Variants in IQCM observed in about 807,000 individuals in gnomAD.
The protein encoded by IQCM is IQ motif containing M, also known as IQ domain-containing protein M.
In IQCM, 45 loss-of-function variants were observed where a neutral mutation model predicts 57.6. That is an observed-to-expected ratio of 0.78 (90% CI 0.62 to 1.00). The LOEUF (loss-of-function observed/expected upper bound fraction) is 1.00. Among genes scored for constraint, IQCM ranks in the 50% least tolerant of loss-of-function variants. The pLI, the probability that IQCM is intolerant of heterozygous loss-of-function variation, is 0.00. For synonymous variants in IQCM, 148 were observed against 158.9 expected (o/e 0.93, Z 0.51); for missense variants, 468 against 511.6 (o/e 0.91, Z 0.82).
At chr4:149,776,677 T>C (rs1409288512) in intron 2 of IQCM, among the ~76,000 whole-genome samples, 1 of 152,122 alleles carries the variant, frequency 6.6e-6, no homozygotes, top group Non-Finnish European at 1.5e-5. Context: ...GATGTAAAGA[T>C]TACTTACAAA....
intron 7 of IQCM, among the ~76,000 whole-genome samples, chr4:149,623,414 T>C (rs950726176): frequency 1.4e-4 from 21 of 152,314 alleles, no homozygotes; most frequent in African/African-American, 4.8e-4. Context: ...TCTCCCAGTA[T>C]ATAGGTATCA....
At chr4:149,511,453 G>A (rs907595454) in intron 12 of IQCM, among the ~76,000 whole-genome samples, 10 of 151,730 alleles carry the variant, frequency 6.6e-5, no homozygotes, top group Non-Finnish European at 1.2e-4. Context: ...ACTTGAACCC[G>A]GGAGGCAGAG....
chr4:149,778,342 C>T (rs1214476623), intron 2 of IQCM, among the ~76,000 whole-genome samples: 1 of 151,824 alleles, frequency 6.6e-6, no homozygotes, highest in Non-Finnish European at 1.5e-5. Context: ...CGCCACTGCA[C>T]TCCAGCCTGG....
chr4:149,593,813 G>T (rs183587851), intron 8 of IQCM, among the ~76,000 whole-genome samples: 2 of 152,222 alleles, frequency 1.3e-5, no homozygotes, highest in Non-Finnish European at 2.9e-5. Context: ...AAGCCCAGTT[G>T]ATCATGGTGG....
At chr4:149,481,713 T>TTTTTTTTG (rs1740891889) in intron 12 of IQCM, among the ~76,000 whole-genome samples, 1 of 138,104 alleles carries the variant, frequency 7.2e-6, no homozygotes, top group African/African-American at 2.7e-5. Flanking sequence ...TTTTTTTTTT[T>TTTTTTTTG]TTTTTTTTTG....
At chr4:149,603,714 A>T (rs914485109) in intron 8 of IQCM, among the ~76,000 whole-genome samples, 2 of 152,056 alleles carry the variant, frequency 1.3e-5, no homozygotes, top group African/African-American at 2.4e-5. Context: ...AGAGAAGAGG[A>T]ATAGTTAAAA....
intron 2 of IQCM, among the ~76,000 whole-genome samples, chr4:149,814,967 C>T (rs1224583282): frequency 1.3e-5 from 2 of 151,918 alleles, no homozygotes; most frequent in Non-Finnish European, 2.9e-5. Flanking sequence ...TTAGTAATGG[C>T]GTTGATTTAC....
At chr4:149,659,121 C>A (rs1275563139) in intron 7 of IQCM, among the ~76,000 whole-genome samples, 1 of 151,750 alleles carries the variant, frequency 6.6e-6, no homozygotes, top group Non-Finnish European at 1.5e-5. Context: ...TTTGTTGACG[C>A]TTTCAAAAAA....
chr4:149,756,592 G>A (rs558660353), intron 2 of IQCM, among the ~76,000 whole-genome samples: 1 of 152,096 alleles, frequency 6.6e-6, no homozygotes, highest in South Asian at 2.1e-4. Flanking sequence ...AAACAAGTAA[G>A]CCCAGAAATT....
At chr4:149,778,102 C>T (rs1420848964) in intron 2 of IQCM, among the ~76,000 whole-genome samples, 3 of 152,168 alleles carry the variant, frequency 2.0e-5, no homozygotes, top group African/African-American at 4.8e-5. Context: ...ATTGGCCGGG[C>T]GCGGTGGCTC....
intron 13 of IQCM, among the ~76,000 whole-genome samples, chr4:149,432,119 T>C (rs1292723732): frequency 6.6e-6 from 1 of 151,850 alleles, no homozygotes; most frequent in African/African-American, 2.4e-5. Context: ...ATATTTAATT[T>C]ATAAGAAAGT....
intron 12 of IQCM, among the ~76,000 whole-genome samples, chr4:149,479,482 C>T (rs1209495201): frequency 1.3e-5 from 2 of 152,164 alleles, no homozygotes; most frequent in Non-Finnish European, 2.9e-5. Context: ...CTCATATGAT[C>T]TTCCTAGTAA....
chr4:149,801,347 CT>C (rs1773583807), intron 2 of IQCM, among the ~76,000 whole-genome samples: 1 of 151,822 alleles, frequency 6.6e-6, no homozygotes, highest in Non-Finnish European at 1.5e-5. Context: ...CTCAAAAACA[CT>C]AAAAAATGAG....
chr4:149,720,809 A>G (rs1434049149), intron 5 of IQCM, among the ~76,000 whole-genome samples: 1 of 152,204 alleles, frequency 6.6e-6, no homozygotes, highest in Non-Finnish European at 1.5e-5. Flanking sequence ...TCTCTCATTT[A>G]GAAATTTCAC....
chr4:149,356,945 T>G (rs1347043723), intron 13 of IQCM, among the ~76,000 whole-genome samples: 1 of 152,222 alleles, frequency 6.6e-6, no homozygotes, highest in Non-Finnish European at 1.5e-5. Flanking sequence ...TAGTTCTCCT[T>G]GAAGAGGTCC....
At chr4:149,806,724 C>T (rs1774114488) in intron 2 of IQCM, among the ~76,000 whole-genome samples, 1 of 151,912 alleles carries the variant, frequency 6.6e-6, no homozygotes, top group Non-Finnish European at 1.5e-5. Context: ...GACCTTGAAG[C>T]TTTTCACAAA....
chr4:149,539,553 C>T (rs1345119510), intron 12 of IQCM, among the ~76,000 whole-genome samples: 1 of 152,012 alleles, frequency 6.6e-6, no homozygotes, highest in African/African-American at 2.4e-5. Context: ...TAAATTATAA[C>T]TCAATTGAGA....
rs373458049 is a variant in IQCM, at chr4:149,732,925, G to T, written c.385+319C>A. The stretch of plus-strand genomic sequence containing the variant: ...ATCCTGCTCAAAAACAGAATTCAGG[G>T]CTATCGTCCATGGCTGCTTTAGCAT... On this transcript the variant is annotated intron_variant, in intron 5 of 13. Coordinates refer to ENST00000636793, the MANE Select transcript of IQCM (RefSeq NM_001363507.2). 5.3e-5 allele frequency among the ~76,000 whole-genome samples: 8 copies of T among 152,164 alleles called. No individual in the cohort carries two copies. In the East Asian group the frequency reaches 5.8e-4, roughly 11 times the overall value.
intron 12 of IQCM, among the ~76,000 whole-genome samples, chr4:149,460,963 G>A (rs1358527915): frequency 2.0e-5 from 3 of 152,022 alleles, no homozygotes; most frequent in Admixed American, 6.6e-5. Flanking sequence ...GGCCAGGAAC[G>A]GTGGCTCATG....
Sources: allele counts gnomAD v4.1 joint callset (sites outside exome capture counted in the v4.1 genomes callset), GRCh38; gene constraint gnomAD v4.1.1; transcripts MANE v1.5; gene names NCBI Gene and HGNC (gene_info 2026-07-23, HGNC 2026-07-21).